LRRC4C: variants seen among roughly 807,000 people sequenced by gnomAD.
LRRC4C encodes the protein leucine-rich repeat-containing protein 4C.
Under a neutral mutation model 33.6 loss-of-function variants are expected in LRRC4C, and 5 were observed. That is an observed-to-expected ratio of 0.15 (90% CI 0.08 to 0.31). The LOEUF (loss-of-function observed/expected upper bound fraction) is 0.31, where lower values mean the gene tolerates loss of function less well. Among genes scored for constraint, LRRC4C ranks in the 10% least tolerant of loss-of-function variants. LRRC4C has a pLI of 1.00. For synonymous variants in LRRC4C, 329 were observed against 302.0 expected, an observed-to-expected ratio of 1.09 and a Z score of -0.93; for missense variants, 560 against 796.7, an observed-to-expected ratio of 0.70 and a Z score of 3.58.
chr11:40,199,478 G>C (rs1294771657), intron 5 of LRRC4C, among the ~76,000 whole-genome samples: 1 of 152,132 alleles, frequency 6.6e-6, no homozygotes, highest in African/African-American at 2.4e-5. Flanking sequence ...TTTTAACCCT[G>C]ATTGCAATGA....
rs1224367142 is a variant in LRRC4C, at chr11:40,524,708, CTCAT to C, written c.-270+123430_-270+123433del. Among the ~76,000 whole-genome samples the C allele has an allele frequency of 2.0e-5, 3 of 152,284 alleles. 1 individual carries two copies. Among genetic ancestry groups the C allele is most frequent in the African/African-American group, 7.2e-5 (3 of 41,580 alleles). On this transcript the variant is annotated intron_variant, in intron 3 of 6. Transcript: ENST00000528697. Reference sequence around the variant, plus strand: ...TACAGCATCTGGACCAAAACTGAAGCTCATTCAATTTGTTTGTTCATTCAAAATG... The same window carrying C: ...TACAGCATCTGGACCAAAACTGAAGCTCAATTTGTTTGTTCATTCAAAATG...
At chr11:41,363,260 C>T (rs1199432067) in intron 1 of LRRC4C, among the ~76,000 whole-genome samples, 1 of 152,200 alleles carries the variant, frequency 6.6e-6, no homozygotes, top group African/African-American at 2.4e-5. Context: ...CTTGAGTCAT[C>T]CACCTGAGTC....
At chr11:40,729,850 A>G (rs1202499880) in intron 2 of LRRC4C, among the ~76,000 whole-genome samples, 1 of 152,214 alleles carries the variant, frequency 6.6e-6, no homozygotes, top group Non-Finnish European at 1.5e-5. Flanking sequence ...TTCCTACTAT[A>G]CTGTGAAAAT....
chr11:41,433,710 G>A (rs1447440428), intron 1 of LRRC4C, among the ~76,000 whole-genome samples: 1 of 152,012 alleles, frequency 6.6e-6, no homozygotes, highest in Non-Finnish European at 1.5e-5. Flanking sequence ...TTGGGACTCG[G>A]ACTGGCTTCC....
At chr11:41,178,470 C>T (rs902198176) in intron 1 of LRRC4C, among the ~76,000 whole-genome samples, 3 of 152,156 alleles carry the variant, frequency 2.0e-5, no homozygotes, top group African/African-American at 7.2e-5. Flanking sequence ...TCTCATGCCT[C>T]AGCCTCCTGA....
intron 5 of LRRC4C, among the ~76,000 whole-genome samples, chr11:40,172,890 T>G (rs1268152480): frequency 2.0e-5 from 3 of 152,164 alleles, no homozygotes; most frequent in Non-Finnish European, 2.9e-5. Context: ...GGTTAAAATT[T>G]GGTTATTAGG....
At chr11:41,417,705 A>G (rs765012468) in intron 1 of LRRC4C, among the ~76,000 whole-genome samples, 6 of 151,824 alleles carry the variant, frequency 4.0e-5, no homozygotes, top group Non-Finnish European at 5.9e-5. Flanking sequence ...AGCTCCCTTA[A>G]TCTCCAATTA....
intron 3 of LRRC4C, among the ~76,000 whole-genome samples, chr11:40,509,107 T>A (rs1253435802): frequency 6.6e-6 from 1 of 152,140 alleles, no homozygotes; most frequent in East Asian, 1.9e-4. Flanking sequence ...ATATACTTCA[T>A]CACAGCATAA....
chr11:40,370,492 C>A (rs1356883826), intron 3 of LRRC4C, among the ~76,000 whole-genome samples: 1 of 152,118 alleles, frequency 6.6e-6, no homozygotes. Flanking sequence ...ACAACAGCAA[C>A]AACAAAAATT....
At chr11:41,035,949 A>G (rs1014576887) in intron 1 of LRRC4C, among the ~76,000 whole-genome samples, 1 of 152,130 alleles carries the variant, frequency 6.6e-6, no homozygotes, top group African/African-American at 2.4e-5. Flanking sequence ...ACTCATAAAT[A>G]TTAGAGCCCA....
intron 2 of LRRC4C, among the ~76,000 whole-genome samples, chr11:40,749,727 C>G (rs12293599): frequency 1.3e-5 from 2 of 150,086 alleles, no homozygotes; most frequent in African/African-American, 4.9e-5. Flanking sequence ...AAATCACTAG[C>G]TAAAGTAACC....
chr11:40,152,310 G>A (rs1858286271), intron 5 of LRRC4C, among the ~76,000 whole-genome samples: 1 of 152,178 alleles, frequency 6.6e-6, no homozygotes. Context: ...AGTTCGCTGG[G>A]TCCCCAAGCA....
chr11:40,354,088 G>T (rs1189476657), intron 3 of LRRC4C, among the ~76,000 whole-genome samples: 1 of 152,158 alleles, frequency 6.6e-6, no homozygotes, highest in East Asian at 1.9e-4. Flanking sequence ...CCTAAATCCA[G>T]TAATTCTGTG....
chr11:40,923,508 T>A (rs1402330991), intron 2 of LRRC4C, among the ~76,000 whole-genome samples: 1 of 152,204 alleles, frequency 6.6e-6, no homozygotes, highest in African/African-American at 2.4e-5. Context: ...ATTTTCCATG[T>A]TCCTGTTTAT....
intron 3 of LRRC4C, among the ~76,000 whole-genome samples, chr11:40,420,453 A>T (rs1950482841): frequency 6.6e-6 from 1 of 152,128 alleles, no homozygotes; most frequent in African/African-American, 2.4e-5. Context: ...CCAAGGCCAG[A>T]CTTACATCCT....
intron 1 of LRRC4C, among the ~76,000 whole-genome samples, chr11:40,959,837 C>A (rs753934304): frequency 6.6e-6 from 1 of 151,754 alleles, no homozygotes. Flanking sequence ...CAAAAACAAG[C>A]TCAACACCCA....
At chr11:41,391,066 T>C (rs1459541453) in intron 1 of LRRC4C, among the ~76,000 whole-genome samples, 3 of 151,792 alleles carry the variant, frequency 2.0e-5, no homozygotes, top group Non-Finnish European at 4.4e-5. Flanking sequence ...AAATCATTTG[T>C]TCTATAAACT....
intron 2 of LRRC4C, among the ~76,000 whole-genome samples, chr11:40,757,918 C>T (rs1188883526): frequency 2.6e-5 from 4 of 152,088 alleles, no homozygotes; most frequent in African/African-American, 9.6e-5. Flanking sequence ...CATTTCTTGA[C>T]AAGATACTTT....
intron 3 of LRRC4C, among the ~76,000 whole-genome samples, chr11:40,534,719 G>A (rs1308668246): frequency 6.6e-6 from 1 of 152,084 alleles, no homozygotes; most frequent in Non-Finnish European, 1.5e-5. Flanking sequence ...ATGTCCCTTC[G>A]TATATTTTAC....
Sources: allele counts gnomAD v4.1 joint callset (sites outside exome capture counted in the v4.1 genomes callset), GRCh38; gene constraint gnomAD v4.1.1; transcripts MANE v1.5; gene names NCBI Gene and HGNC (gene_info 2026-07-23, HGNC 2026-07-21).